Variants in CNTNAP2 observed in about 807,000 individuals in gnomAD.
CNTNAP2 encodes contactin associated protein 2, also known as contactin-associated protein-like 2.
Under a neutral mutation model 155.2 loss-of-function variants are expected in CNTNAP2, and 98 were observed. The observed-to-expected ratio is 0.63, with a 90% confidence interval of 0.54 to 0.75. The LOEUF is 0.75. Among genes scored for constraint, CNTNAP2 ranks in the 30% least tolerant of loss-of-function variants. The pLI is 0.00. For synonymous variants in CNTNAP2, 651 were observed against 631.2 expected, an observed-to-expected ratio of 1.03 and a Z score of -0.47; for missense variants, 1,727 against 1,688.1, an observed-to-expected ratio of 1.02 and a Z score of -0.40.
chr7:147,313,004 G>C (rs1263234388), intron 9 of CNTNAP2, among the ~76,000 whole-genome samples: 2 of 139,704 alleles, frequency 1.4e-5, no homozygotes, highest in Non-Finnish European at 3.0e-5. Flanking sequence ...GCATTTCTCT[G>C]ATAGCCAGTG....
chr7:146,266,737 A>G (rs574101495), intron 1 of CNTNAP2, among the ~76,000 whole-genome samples: 219 of 152,328 alleles, frequency 1.4e-3, no homozygotes, highest in Non-Finnish European at 2.7e-3. Context: ...CAGGGCTGCT[A>G]TGAAAGAAAT....
chr7:146,371,710 G>T (rs547390092), intron 1 of CNTNAP2, among the ~76,000 whole-genome samples: 1 of 151,896 alleles, frequency 6.6e-6, no homozygotes, highest in South Asian at 2.1e-4. Context: ...GCAGCACTGT[G>T]GTAGGCCGAG....
intron 4 of CNTNAP2, among the ~76,000 whole-genome samples, chr7:147,048,588 A>C (rs547709414): frequency 6.6e-6 from 1 of 152,250 alleles, no homozygotes; most frequent in Admixed American, 6.5e-5. Flanking sequence ...GTTCTCTGAT[A>C]GAACTTTCTA....
chr7:148,327,481 T>A (rs900520725), intron 21 of CNTNAP2, among the ~76,000 whole-genome samples: 1 of 152,238 alleles, frequency 6.6e-6, no homozygotes, highest in Non-Finnish European at 1.5e-5. Flanking sequence ...TATCAAGTGC[T>A]ATTGAACACA....
At chr7:147,965,000 C>T (rs560445626) in intron 14 of CNTNAP2, among the ~76,000 whole-genome samples, 12 of 152,168 alleles carry the variant, frequency 7.9e-5, no homozygotes, top group African/African-American at 2.4e-4. Flanking sequence ...ACATTTTTTC[C>T]AAAGGTACAA....
At chr7:147,221,227 A>G (rs1407914695) in intron 8 of CNTNAP2, among the ~76,000 whole-genome samples, 1 of 152,204 alleles carries the variant, frequency 6.6e-6, no homozygotes, top group Non-Finnish European at 1.5e-5. Context: ...CACATACACA[A>G]TATATACATT....
intron 8 of CNTNAP2, among the ~76,000 whole-genome samples, chr7:147,240,209 G>C (rs1203712157): frequency 6.6e-6 from 1 of 152,144 alleles, no homozygotes; most frequent in Non-Finnish European, 1.5e-5. Flanking sequence ...TCTCGTTCCT[G>C]CTACTCAGGG....
chr7:146,445,239 T>C (rs940009780), intron 1 of CNTNAP2, among the ~76,000 whole-genome samples: 2 of 152,228 alleles, frequency 1.3e-5, no homozygotes, highest in Admixed American at 6.5e-5. Flanking sequence ...TTTTATTTTT[T>C]ATGCCTGACG....
At chr7:147,064,785 C>A (rs1460819256) in intron 4 of CNTNAP2, among the ~76,000 whole-genome samples, 1 of 152,056 alleles carries the variant, frequency 6.6e-6, no homozygotes, top group East Asian at 1.9e-4. Flanking sequence ...CTATATAAAA[C>A]AAATCCATTT....
chr7:147,786,063 G>A (rs906584616), intron 13 of CNTNAP2, among the ~76,000 whole-genome samples: 10 of 151,702 alleles, frequency 6.6e-5, no homozygotes, highest in African/African-American at 1.5e-4. Flanking sequence ...AGGCTGAGGC[G>A]GGTGGATCAT....
intron 1 of CNTNAP2, among the ~76,000 whole-genome samples, chr7:146,422,438 G>C (rs1052894069): frequency 6.6e-6 from 1 of 150,706 alleles, no homozygotes; most frequent in Non-Finnish European, 1.5e-5. Context: ...AGTTACTTAT[G>C]CTATTTTGTC....
chr7:146,378,769 A>G (rs1795340390), intron 1 of CNTNAP2, among the ~76,000 whole-genome samples: 1 of 152,202 alleles, frequency 6.6e-6, no homozygotes, highest in African/African-American at 2.4e-5. Flanking sequence ...TGTGAAACAC[A>G]ATACTCAAAT....
chr7:147,936,044 G>T (rs1307598224), intron 14 of CNTNAP2, among the ~76,000 whole-genome samples: 1 of 151,904 alleles, frequency 6.6e-6, no homozygotes, highest in East Asian at 1.9e-4. Context: ...TGCCTGTTTG[G>T]ATGATAAGAA....
At chr7:147,417,075 C>G (rs1008483851) in intron 10 of CNTNAP2, among the ~76,000 whole-genome samples, 12 of 134,720 alleles carry the variant, frequency 8.9e-5, no homozygotes, top group African/African-American at 3.5e-4. Context: ...AGCGACAGAG[C>G]AAGACTCTGG....
intron 10 of CNTNAP2, among the ~76,000 whole-genome samples, chr7:147,396,754 T>G (rs533085441): frequency 6.6e-6 from 1 of 152,162 alleles, no homozygotes; most frequent in East Asian, 1.9e-4. Flanking sequence ...ATTTATATGA[T>G]TTTCTAAGAT....
chr7:147,072,277 G>C (rs890999007), intron 4 of CNTNAP2, among the ~76,000 whole-genome samples: 5 of 152,088 alleles, frequency 3.3e-5, no homozygotes, highest in African/African-American at 1.2e-4. Flanking sequence ...AGGCTGGAGA[G>C]TTGACAAATC....
chr7:146,791,892 A>AT (rs1802679918), intron 2 of CNTNAP2, among the ~76,000 whole-genome samples: 1 of 152,132 alleles, frequency 6.6e-6, no homozygotes, highest in Non-Finnish European at 1.5e-5. Context: ...ATTAATGTAG[A>AT]TTTTAGGTTC....
chr7:146,863,469 C>A (rs572279339), intron 3 of CNTNAP2, among the ~76,000 whole-genome samples: 1 of 152,100 alleles, frequency 6.6e-6, no homozygotes, highest in African/African-American at 2.4e-5. Context: ...GTCAAATGTC[C>A]ACATGGTATT....
chr7:146,721,022 T>TTA (rs71165033), intron 1 of CNTNAP2, among the ~76,000 whole-genome samples: 19,075 of 118,792 alleles, frequency 0.16, 3,256 homozygotes, highest in African/African-American at 0.45. Context: ...ACTCTATATA[T>TTA]TATATATACT....
Sources: gnomAD v4.1 joint callset for allele counts (sites outside exome capture counted in the v4.1 genomes callset) on GRCh38, gnomAD v4.1.1 for gene constraint, MANE v1.5 for transcripts, NCBI Gene and HGNC (gene_info 2026-07-23, HGNC 2026-07-21) for gene names.